Variants in CRB1 observed in about 807,000 individuals in gnomAD.
CRB1 encodes protein crumbs homolog 1.
A neutral mutation model predicts 120.0 loss-of-function variants in CRB1; 83 were observed. The ratio of observed to expected loss-of-function variants is 0.69; its 90% CI spans 0.58 to 0.83. The LOEUF (loss-of-function observed/expected upper bound fraction) is 0.83, where lower values mean the gene tolerates loss of function less well. Among genes scored for constraint, CRB1 ranks in the 40% least tolerant of loss-of-function variants. The pLI is 0.00. For missense variants in CRB1, 1,699 were observed against 1,687.6 expected (o/e 1.01, Z -0.12); for synonymous variants, 625 against 612.5 (o/e 1.02, Z -0.30).
intron 1 of CRB1, among the ~76,000 whole-genome samples, chr1:197,327,091 CAAAAAAAAAAAAAAA>C (rs71131753): frequency 1.0e-3 from 26 of 25,694 alleles, no homozygotes; most frequent in African/African-American, 2.7e-3. Flanking sequence ...TCTCACACAC[CAAAAAAAAAAAAAAA>C]AAAAAAAAAA....
chr1:197,478,308 T>G lies in CRB1; in HGVS notation c.*429T>G, dbSNP rs1007534147. On this transcript the variant is annotated 3_prime_UTR_variant, in exon 12 of 12. Transcript: ENST00000367400. ...GGAAAAAATTGGCTACATTTCTCAC[T>G]TCTCCTATCATGTGGTCAAAGTTAT... 1.9e-5 allele frequency: 5 copies of G among 257,546 alleles called. No individual in the cohort carries two copies. Among genetic ancestry groups the G allele is most frequent in the African/African-American group, 1.1e-4 (5 of 44,122 alleles). 16.0% of individuals were successfully genotyped at this position (257,546 alleles called of 1,614,324 possible).
rs148650054 is a variant in CRB1, at chr1:197,364,359, G to A, written c.1171+7346G>A. Among the ~76,000 whole-genome samples, 480 of 152,240 alleles carry A rather than the reference G, an allele frequency of 3.2e-3. 1 individual carries two copies. The highest frequency in any genetic ancestry group is 0.011 in the African/African-American group (460 of 41,536). ...CAATTTATTTGTAATATGACTTGGTGTTAACTTATTTGGGTTTATCCTATT... is the reference window on the plus strand; with the variant it reads ...CAATTTATTTGTAATATGACTTGGTATTAACTTATTTGGGTTTATCCTATT... On this transcript the variant is annotated intron_variant, in intron 5 of 11. Transcript: ENST00000367400.
At chr1:197,270,527 A>AT in intron 1 of CRB1, among the ~76,000 whole-genome samples, 1 of 152,310 alleles carries the variant, frequency 6.6e-6, no homozygotes, top group African/African-American at 2.4e-5. Flanking sequence ...CTACTACATA[A>AT]TGATGCTAGG....
the CRB1 span, among the ~76,000 whole-genome samples, chr1:197,224,324 G>A: frequency 6.6e-6 from 1 of 152,112 alleles, no homozygotes; most frequent in Non-Finnish European, 1.5e-5. Flanking sequence ...ATTTTAGACA[G>A]AAGCGACTTT....
intron 1 of CRB1, among the ~76,000 whole-genome samples, chr1:197,287,674 T>A (rs1244096362): frequency 2.6e-5 from 4 of 151,798 alleles, no homozygotes; most frequent in African/African-American, 7.3e-5. Flanking sequence ...TATCCAAGGA[T>A]GGCTCACAAA....
chr1:197,394,064 T>C (rs1033510536), intron 5 of CRB1, among the ~76,000 whole-genome samples: 2 of 151,988 alleles, frequency 1.3e-5, no homozygotes, highest in African/African-American at 2.4e-5. Context: ...TTGAACTGCA[T>C]GGGTCCAACT....
At chr1:197,451,187 A>G (rs1364194595) in intron 11 of CRB1, among the ~76,000 whole-genome samples, 3 of 152,204 alleles carry the variant, frequency 2.0e-5, no homozygotes, top group Non-Finnish European at 4.4e-5. Flanking sequence ...CACTGATTGA[A>G]AGAGAGACAT....
upstream of CRB1, among the ~76,000 whole-genome samples, chr1:197,268,042 G>C (rs1430504822): frequency 6.6e-6 from 1 of 152,144 alleles, no homozygotes. Flanking sequence ...GCAGTTATCA[G>C]AAATTAATCC....
At chr1:197,454,622 ATTGG>A (rs1364246142) in intron 11 of CRB1, among the ~76,000 whole-genome samples, 1 of 152,114 alleles carries the variant, frequency 6.6e-6, no homozygotes, top group Non-Finnish European at 1.5e-5. Flanking sequence ...AACCAACTAA[ATTGG>A]TTGGTTTGTT....
the CRB1 span, among the ~76,000 whole-genome samples, chr1:197,207,030 G>A: frequency 5.3e-5 from 8 of 151,992 alleles, no homozygotes; most frequent in Non-Finnish European, 1.2e-4. Flanking sequence ...TTTAAAGTTT[G>A]TTTTGTCTGA....
rs112700705 is a variant in CRB1, at chr1:197,380,565, A to G, written c.1171+23552A>G. Among the ~76,000 whole-genome samples, 290 of 152,338 alleles carry G rather than the reference A, an allele frequency of 1.9e-3. 1 individual carries two copies. The highest frequency in any genetic ancestry group is 6.6e-3 in the African/African-American group (276 of 41,578). ...ACAGCTTACACAAATAGGTAAGAACATCCAAATAAGATAATCCAATTTCTC... is the reference window on the plus strand; with the variant it reads ...ACAGCTTACACAAATAGGTAAGAACGTCCAAATAAGATAATCCAATTTCTC... On this transcript the variant is annotated intron_variant, in intron 5 of 11. Transcript: ENST00000367400.
intron 8 of CRB1, among the ~76,000 whole-genome samples, chr1:197,431,445 T>C (rs1345260679): frequency 6.6e-6 from 1 of 152,204 alleles, no homozygotes; most frequent in Non-Finnish European, 1.5e-5. Context: ...TCATTCTACT[T>C]CTTTAATTAT....
At chr1:197,439,386 C>T (rs902300773) in intron 10 of CRB1, 3 of 152,318 alleles carry the variant, frequency 2.0e-5, no homozygotes, top group African/African-American at 4.8e-5. Flanking sequence ...GTGCCATGCA[C>T]CTTACAAATA....
the CRB1 span, among the ~76,000 whole-genome samples, chr1:197,256,998 C>T: frequency 6.6e-6 from 1 of 151,126 alleles, no homozygotes; most frequent in Admixed American, 6.6e-5. Flanking sequence ...GGCTCACGTT[C>T]ACTCCCATGA....
chr1:197,405,154 T>G (rs1663282840), intron 5 of CRB1, among the ~76,000 whole-genome samples: 1 of 152,034 alleles, frequency 6.6e-6, no homozygotes, highest in Admixed American at 6.5e-5. Context: ...TGCTGCCATC[T>G]CGGCTCACTG....
At chr1:197,306,507 G>A (rs757839468) in intron 1 of CRB1, among the ~76,000 whole-genome samples, 4 of 152,074 alleles carry the variant, frequency 2.6e-5, no homozygotes, top group African/African-American at 7.2e-5. Context: ...AAAGTACTAC[G>A]CTGAGATGGA....
At chr1:197,370,669 T>C (rs1157117340) in intron 5 of CRB1, among the ~76,000 whole-genome samples, 3 of 152,138 alleles carry the variant, frequency 2.0e-5, no homozygotes, top group African/African-American at 2.4e-5. Context: ...GCAAAAGCAA[T>C]GTTAAGAGGA....
intron 11 of CRB1, among the ~76,000 whole-genome samples, chr1:197,469,434 G>A (rs901845470): frequency 1.1e-4 from 17 of 152,042 alleles, no homozygotes; most frequent in Admixed American, 7.2e-4. Flanking sequence ...TGTGACTGTG[G>A]GAATGCAGAG....
At chr1:197,207,980 A>G in the CRB1 span, among the ~76,000 whole-genome samples, 961 of 151,874 alleles carry the variant, frequency 6.3e-3, 14 homozygotes, top group African/African-American at 0.022. Flanking sequence ...TGAGCTCTGA[A>G]TTTCTTTCTT....
Sources: gnomAD v4.1 joint callset for allele counts (sites outside exome capture counted in the v4.1 genomes callset) on GRCh38, gnomAD v4.1.1 for gene constraint, MANE v1.5 for transcripts, NCBI Gene and HGNC (gene_info 2026-07-23, HGNC 2026-07-21) for gene names.